Variants in LPP observed in about 807,000 individuals in gnomAD.
LPP encodes LIM domain containing preferred translocation partner in lipoma.
A neutral mutation model predicts 60.4 loss-of-function variants in LPP; 38 were observed. That is an observed-to-expected ratio of 0.63 (90% CI 0.49 to 0.83). LPP has a LOEUF of 0.83. Among genes scored for constraint, LPP ranks in the 40% least tolerant of loss-of-function variants. The probability of loss-of-function intolerance (pLI) is 0.00; values close to 1 mark genes in which losing one functional copy is unlikely to be tolerated. For synonymous variants in LPP, 328 were observed against 290.8 expected, an observed-to-expected ratio of 1.13 and a Z score of -1.30; for missense variants, 902 against 783.6, an observed-to-expected ratio of 1.15 and a Z score of -1.80.
chr3:188,269,645 A>ATGTATGTGTG (rs1553845285), intron 2 of LPP, among the ~76,000 whole-genome samples: 1 of 136,454 alleles, frequency 7.3e-6, no homozygotes, highest in African/African-American at 2.8e-5. Flanking sequence ...CTTTTTTTTT[A>ATGTATGTGTG]TGTGTGTGTG....
chr3:188,862,363 A>G (rs1362493939), intron 9 of LPP, among the ~76,000 whole-genome samples: 1 of 152,152 alleles, frequency 6.6e-6, no homozygotes, highest in Non-Finnish European at 1.5e-5. Flanking sequence ...AGCATAATAC[A>G]ATCCTATGGG....
intron 7 of LPP, among the ~76,000 whole-genome samples, chr3:188,704,779 T>C (rs1865151310): frequency 1.3e-5 from 2 of 152,018 alleles, no homozygotes; most frequent in Admixed American, 6.6e-5. Flanking sequence ...GTTGTTGTTG[T>C]TGTTTTGTCA....
intron 8 of LPP, among the ~76,000 whole-genome samples, chr3:188,749,728 A>C (rs1022856074): frequency 1.3e-5 from 2 of 152,222 alleles, no homozygotes; most frequent in Non-Finnish European, 2.9e-5. Flanking sequence ...AGTTATTATA[A>C]GATTCATATG....
intron 7 of LPP, among the ~76,000 whole-genome samples, chr3:188,615,677 T>G (rs1468984648): frequency 3.3e-5 from 5 of 152,304 alleles, no homozygotes; most frequent in Admixed American, 2.6e-4. Context: ...GCATTTTCCT[T>G]TAAGGATGCA....
At position 188,875,607 on chromosome 3, in the gene LPP, A is replaced by G. The variant is rs1444126188; in HGVS notation, c.*1128A>G. ...GAAAAGATTCTGAAACCACAGTTTC[A>G]TTATTCTCATAATCCTTCTGCAACT... On this transcript the variant is annotated 3_prime_UTR_variant, in exon 12 of 12. Transcript: ENST00000617246. 1 of 206,294 alleles carries G rather than the reference A, an allele frequency of 4.8e-6. No individual in the cohort carries two copies. The highest frequency in any genetic ancestry group is 5.9e-5 in the Admixed American group (1 of 16,816). 12.8% of individuals were successfully genotyped at this position (206,294 alleles called of 1,614,324 possible).
intron 4 of LPP, among the ~76,000 whole-genome samples, chr3:188,433,236 C>T (rs1791395829): frequency 6.6e-6 from 1 of 152,106 alleles, no homozygotes; most frequent in African/African-American, 2.4e-5. Flanking sequence ...TACAGTTAAT[C>T]CATCACAACC....
At chr3:188,800,627 A>G (rs944742379) in intron 9 of LPP, among the ~76,000 whole-genome samples, 2 of 152,178 alleles carry the variant, frequency 1.3e-5, no homozygotes, top group Non-Finnish European at 2.9e-5. Context: ...ACCTACTGAA[A>G]TAGCTCTCCA....
rs994530113 is a variant in LPP at position 188,373,080 on chromosome 3, T to C, written c.-10+31361T>C. The stretch of plus-strand genomic sequence containing the variant: ...CATAGTATTCCATGGTGTATATGTG[T>C]CACATTTTCTTAATCCAGTCTATTG... On this transcript the variant is annotated intron_variant, in intron 3 of 11. Transcript: ENST00000617246. 4.6e-5 allele frequency among the ~76,000 whole-genome samples: 7 copies of C among 152,122 alleles called. No homozygotes were observed. In the East Asian group the frequency reaches 7.7e-4, roughly 17 times the overall value.
chr3:188,470,749 C>T (rs1337769028), intron 4 of LPP, among the ~76,000 whole-genome samples: 1 of 152,090 alleles, frequency 6.6e-6, no homozygotes, highest in Admixed American at 6.5e-5. Flanking sequence ...TTAACGGAGA[C>T]AGAGGTGTGA....
At chr3:188,299,671 T>C (rs1334466776) in intron 2 of LPP, among the ~76,000 whole-genome samples, 1 of 152,214 alleles carries the variant, frequency 6.6e-6, no homozygotes, top group Non-Finnish European at 1.5e-5. Flanking sequence ...TTCTTGGTTC[T>C]TGTTTTTAAA....
At chr3:188,437,824 C>T (rs1792725539) in intron 4 of LPP, among the ~76,000 whole-genome samples, 1 of 152,074 alleles carries the variant, frequency 6.6e-6, no homozygotes, top group African/African-American at 2.4e-5. Flanking sequence ...TTTTGAGAAG[C>T]TAGACATGTT....
At chr3:188,415,980 C>T (rs1388140726) in intron 4 of LPP, among the ~76,000 whole-genome samples, 2 of 152,004 alleles carry the variant, frequency 1.3e-5, no homozygotes, top group Non-Finnish European at 2.9e-5. Context: ...AATAAGGTAA[C>T]AATGTCAGTT....
intron 9 of LPP, among the ~76,000 whole-genome samples, chr3:188,806,573 T>A (rs1048728631): frequency 2.6e-5 from 4 of 151,944 alleles, no homozygotes; most frequent in Non-Finnish European, 5.9e-5. Flanking sequence ...TGGATTGAAA[T>A]TCACAATCAG....
chr3:188,472,739 G>A (rs1184493118), intron 4 of LPP: 1 of 152,192 alleles, frequency 6.6e-6, no homozygotes, highest in African/African-American at 2.4e-5. Context: ...GCTGATCATC[G>A]AGGCAGGATT....
intron 3 of LPP, among the ~76,000 whole-genome samples, chr3:188,400,882 T>C (rs1298850386): frequency 6.6e-6 from 1 of 152,180 alleles, no homozygotes; most frequent in Non-Finnish European, 1.5e-5. Flanking sequence ...TTTACATGGG[T>C]CTCTCTTAGA....
chr3:188,505,014 A>C (rs978276882), intron 5 of LPP, among the ~76,000 whole-genome samples: 1 of 152,208 alleles, frequency 6.6e-6, no homozygotes, highest in African/African-American at 2.4e-5. Flanking sequence ...GTACATGTGC[A>C]CAGATGCCTG....
At chr3:188,157,153 C>T (rs932164654) in intron 1 of LPP, among the ~76,000 whole-genome samples, 9 of 152,142 alleles carry the variant, frequency 5.9e-5, no homozygotes, top group Admixed American at 3.9e-4. Flanking sequence ...TTCATCATGT[C>T]GTTTATGAAT....
At chr3:188,288,182 G>C (rs1744614869) in intron 2 of LPP, among the ~76,000 whole-genome samples, 1 of 152,202 alleles carries the variant, frequency 6.6e-6, no homozygotes, top group African/African-American at 2.4e-5. Flanking sequence ...AGAAAGCATT[G>C]CCTCTTTGGA....
intron 4 of LPP, among the ~76,000 whole-genome samples, chr3:188,453,994 G>A (rs553835749): frequency 1.3e-5 from 2 of 152,290 alleles, no homozygotes; most frequent in East Asian, 3.9e-4. Context: ...AAGGCAGGGT[G>A]CTTGAATAAG....
Sources: allele counts gnomAD v4.1 joint callset (sites outside exome capture counted in the v4.1 genomes callset), GRCh38; gene constraint gnomAD v4.1.1; transcripts MANE v1.5; gene names NCBI Gene and HGNC (gene_info 2026-07-23, HGNC 2026-07-21).